ZNF44: variants seen among roughly 807,000 people sequenced by gnomAD.
ZNF44 encodes the protein zinc finger protein 44, also known as gonadotropin inducible transcription repressor-2.
In ZNF44, 9 loss-of-function variants were observed where a neutral mutation model predicts 11.7. That is an observed-to-expected ratio of 0.77 (90% confidence interval 0.46 to 1.35). The LOEUF is 1.35. ZNF44 is among the 40% of genes most tolerant of loss of function. ZNF44 has a pLI of 0.00. For missense variants in ZNF44, 696 were observed against 743.1 expected (o/e 0.94, Z 0.74); for synonymous variants, 224 against 242.7 (o/e 0.92, Z 0.72).
chr19:12,267,325 T>C (rs1409430047), downstream of ZNF44, among the ~76,000 whole-genome samples: 1 of 152,006 alleles, frequency 6.6e-6, no homozygotes, highest in Non-Finnish European at 1.5e-5. Context: ...ATTACAGGAG[T>C]GAGCCACCGT....
chr19:12,247,264 A>G, downstream of ZNF44: 1 of 1,186,494 alleles, frequency 8.4e-7, no homozygotes, highest in Non-Finnish European at 1.1e-6. Context: ...TTCGATATTT[A>G]CATTTATAGT....
intron 5 of ZNF44, among the ~76,000 whole-genome samples, chr19:12,262,555 C>T (rs996773092): frequency 6.6e-6 from 1 of 152,144 alleles, no homozygotes; most frequent in Non-Finnish European, 1.5e-5. Flanking sequence ...AGGCCTGAGC[C>T]ACTGCACCCG....
intron 1 of ZNF44, among the ~76,000 whole-genome samples, chr19:12,235,387 C>CA (rs1276327578): frequency 1.3e-5 from 2 of 151,848 alleles, no homozygotes; most frequent in African/African-American, 4.8e-5. Flanking sequence ...AAAAACAAAA[C>CA]AAAACAAAAA....
downstream of ZNF44, among the ~76,000 whole-genome samples, chr19:12,268,654 G>C (rs1471197175): frequency 6.6e-6 from 1 of 152,004 alleles, no homozygotes; most frequent in Non-Finnish European, 1.5e-5. Context: ...CATGATCATA[G>C]CTCACCACAG....
chr19:12,253,597 A>G (rs1042687711), intron 5 of ZNF44, among the ~76,000 whole-genome samples: 2 of 152,242 alleles, frequency 1.3e-5, no homozygotes, highest in African/African-American at 4.8e-5. Context: ...TGATAGGACT[A>G]CAAGGAGAGA....
chr19:12,275,163 G>T, intron 2 of ZNF44, 130 bp from the exon 3 acceptor site: 1 of 590,198 alleles, frequency 1.7e-6, no homozygotes, highest in Non-Finnish European at 2.7e-6. Flanking sequence ...AACAACACAG[G>T]TTTGAACTGC....
At position 12,272,742 on chromosome 19, in the gene ZNF44, CATAAG is replaced by C; in HGVS notation, c.1508_1512del (p.Ser503Ter). Reference sequence around the variant, plus strand: ...AAGGCTTTGCCACAAATTTGACACTCATAAGATTTTTCTTCACTGTGAGTCCTTTC... The same window carrying C: ...AAGGCTTTGCCACAAATTTGACACTCATTTTTCTTCACTGTGAGTCCTTTC... On this transcript the variant is annotated frameshift_variant, in exon 4 of 4. Coordinates refer to ENST00000355684, the MANE Select transcript of ZNF44 (RefSeq NM_016264.4). LOFTEE classifies it low-confidence loss of function (END_TRUNC). 2 of 1,613,502 alleles carry C rather than the reference CATAAG, an allele frequency of 1.2e-6. No individual in the cohort carries two copies. Among genetic ancestry groups the C allele is most frequent in the Middle Eastern group, 1.7e-4 (1 of 6,058 alleles).
chr19:12,279,921 T>TTG (rs60414721), intron 1 of ZNF44, among the ~76,000 whole-genome samples: 20,831 of 143,756 alleles, frequency 0.14, 1,648 homozygotes, highest in African/African-American at 0.22. Context: ...GAAATTCAGA[T>TTG]TGTGTGTGTG....
At chr19:12,253,187 C>CATT (rs1555737045) in intron 5 of ZNF44, among the ~76,000 whole-genome samples, 1 of 110,244 alleles carries the variant, frequency 9.1e-6, no homozygotes. Context: ...CTGCACCTGG[C>CATT]TTTTTTTTTT....
downstream of ZNF44, among the ~76,000 whole-genome samples, chr19:12,269,106 T>G (rs1966885176): frequency 6.6e-6 from 1 of 152,132 alleles, no homozygotes; most frequent in Admixed American, 6.5e-5. Context: ...CACACCTGGA[T>G]ACTCCAAAAT....
At chr19:12,263,328 C>T (rs1327845525) in intron 5 of ZNF44, among the ~76,000 whole-genome samples, 2 of 151,936 alleles carry the variant, frequency 1.3e-5, no homozygotes, top group African/African-American at 4.8e-5. Flanking sequence ...TCAGGTGATC[C>T]GCCCGCCTCA....
intron 1 of ZNF44, among the ~76,000 whole-genome samples, chr19:12,281,109 A>T (rs1271510693): frequency 2.0e-5 from 3 of 152,214 alleles, no homozygotes; most frequent in African/African-American, 7.2e-5. Context: ...TTTAATTGAA[A>T]CATATTTATA....
At chr19:12,245,643 T>C (rs1323107490), downstream of ZNF44, among the ~76,000 whole-genome samples, 2 of 152,228 alleles carry the variant, frequency 1.3e-5, no homozygotes, top group Non-Finnish European at 2.9e-5. Flanking sequence ...AAGTGTTTAC[T>C]ATGCAAATTA....
chr19:12,293,341 T>A (rs1271827802), intron 1 of ZNF44: 1 of 1,536,820 alleles, frequency 6.5e-7, no homozygotes, highest in Non-Finnish European at 8.7e-7. Context: ...TTCCAGCATC[T>A]TAGGGTAGCC....
At chr19:12,265,208 C>T (rs1917680453) in intron 5 of ZNF44, among the ~76,000 whole-genome samples, 1 of 151,960 alleles carries the variant, frequency 6.6e-6, no homozygotes, top group South Asian at 2.1e-4. Flanking sequence ...GAGTTCGAGA[C>T]CAGCCTGGGC....
exon 8 of ZNF44, chr19:12,248,017 T>A (rs1408757194): frequency 7.5e-7 from 1 of 1,340,702 alleles, no homozygotes; most frequent in South Asian, 1.2e-5. Context: ...TTCCCACATT[T>A]TTTACATTCA....
At chr19:12,282,285 C>T (rs1967503596) in intron 1 of ZNF44, among the ~76,000 whole-genome samples, 1 of 152,146 alleles carries the variant, frequency 6.6e-6, no homozygotes, top group African/African-American at 2.4e-5. Flanking sequence ...TCTCTACACA[C>T]ATTAGGCTTT....
At chr19:12,255,762 G>A (rs1035601199) in intron 5 of ZNF44, among the ~76,000 whole-genome samples, 3 of 152,142 alleles carry the variant, frequency 2.0e-5, no homozygotes, top group Middle Eastern at 3.4e-3. Flanking sequence ...TAGTCTGGCC[G>A]GGCACGGTGG....
At chr19:12,283,219 A>G (rs965610129) in intron 1 of ZNF44, among the ~76,000 whole-genome samples, 2 of 152,248 alleles carry the variant, frequency 1.3e-5, no homozygotes, top group African/African-American at 4.8e-5. Context: ...GACACACCAG[A>G]GCAGAGATAA....
Sources: gnomAD v4.1 joint callset for allele counts (sites outside exome capture counted in the v4.1 genomes callset) on GRCh38, gnomAD v4.1.1 for gene constraint, MANE v1.5 for transcripts, NCBI Gene and HGNC (gene_info 2026-07-23, HGNC 2026-07-21) for gene names.